PRR5: variants seen among roughly 807,000 people sequenced by gnomAD.
The protein encoded by PRR5 is proline-rich protein 5.
In PRR5, 25 loss-of-function variants were observed where a neutral mutation model predicts 30.6. The ratio of observed to expected loss-of-function variants is 0.82; its 90% CI spans 0.60 to 1.14. PRR5 has a LOEUF of 1.14. Among genes scored for constraint, PRR5 ranks in the 50% most tolerant of loss-of-function variants. The pLI, the probability that PRR5 is intolerant of heterozygous loss-of-function variation, is 0.00. For missense variants in PRR5, 600 were observed against 547.1 expected (o/e 1.10, Z -0.96); for synonymous variants, 286 against 247.1 (o/e 1.16, Z -1.48).
At position 44,734,720 on chromosome 22, in the gene PRR5, A is replaced by G. The variant is rs906935513; in HGVS notation, c.556-307A>G. 1.9e-5 allele frequency: 8 copies of G among 415,970 alleles called. No individual in the cohort carries two copies. The Admixed American group carries it at 3.1e-4, about 16-fold the overall frequency. The allele number at this position is 415,970 out of a possible 1,614,324, so 25.8% of individuals were successfully genotyped here. A position where few individuals can be genotyped will look rare whatever the true frequency, so the allele number is the denominator to read the frequency against. On this transcript the variant is annotated intron_variant, in intron 6 of 7. Coordinates refer to ENST00000336985, the MANE Select transcript of PRR5 (RefSeq NM_181333.4). ...TCCAAAGCCTCTAGGACTCTTGAGT[A>G]CAGGGCCCCTCCGAGGGGTGGAAGG...
chr22:44,731,676 G>A lies in PRR5; in HGVS notation c.323-54G>A, dbSNP rs763209134. 17 of 1,575,252 alleles carry A rather than the reference G, an allele frequency of 1.1e-5. No homozygotes were observed. The African/African-American group carries it at 2.3e-4, about 21-fold the overall frequency. On this transcript the variant is annotated intron_variant, in intron 4 of 7. Coordinates refer to ENST00000336985, the MANE Select transcript of PRR5 (RefSeq NM_181333.4). The stretch of plus-strand genomic sequence containing the variant: ...TCTGATGACCCATCCTGGGTGAGTG[G>A]AGGCATCTGCCCGCGCCAGTCAGGC...
chr22:44,705,956 T>C (rs1927127076), intron 1 of PRR5, among the ~76,000 whole-genome samples: 1 of 152,090 alleles, frequency 6.6e-6, no homozygotes, highest in South Asian at 2.1e-4. Context: ...CATGCCACCA[T>C]GCCCAGCTAA....
In PRR5 at chr22:44,691,073, C is replaced by T. The variant is rs543439393; in HGVS notation, c.-10-11419C>T. ...GCCTCGGGAAGGTGGATTCCCGGGG[C>T]GGGGAGGCAGGAGAGTCCTGAGCCC... On this transcript the variant is annotated intron_variant, in intron 1 of 8. Coordinates refer to the PRR5 transcript ENST00000006251. The surrounding 1 kb of genome is among the most constrained non-coding windows in gnomAD (Gnocchi z 4.4). 7.3e-5 allele frequency among the ~76,000 whole-genome samples: 11 copies of T among 150,314 alleles called. No individual in the cohort carries two copies. In the East Asian group the frequency reaches 2.0e-3, roughly 27 times the overall value.
intron 4 of PRR5, chr22:44,730,906 T>C (rs1439735788): frequency 4.4e-6 from 2 of 459,626 alleles, no homozygotes; most frequent in Non-Finnish European, 9.0e-6. Flanking sequence ...ACTGCCCTTA[T>C]GATCCTGCTC....
At chr22:44,696,342 C>A (rs1022049793) in intron 1 of PRR5, among the ~76,000 whole-genome samples, 1 of 152,122 alleles carries the variant, frequency 6.6e-6, no homozygotes, top group Non-Finnish European at 1.5e-5. Flanking sequence ...CTCCTTATAC[C>A]ACAGAGGCAC....
At chr22:44,683,663 C>A (rs1924486775) in intron 1 of PRR5, among the ~76,000 whole-genome samples, 1 of 152,182 alleles carries the variant, frequency 6.6e-6, no homozygotes, top group African/African-American at 2.4e-5. Flanking sequence ...ACTCATAGAC[C>A]CTTGGGGACC....
At chr22:44,700,660 AG>A (rs1926181114), upstream of PRR5, among the ~76,000 whole-genome samples, 1 of 152,194 alleles carries the variant, frequency 6.6e-6, no homozygotes, top group Non-Finnish European at 1.5e-5. Flanking sequence ...CTTGACAGTT[AG>A]TTTATAAAGC....
At chr22:44,727,275 G>A (rs559640338) in intron 4 of PRR5, among the ~76,000 whole-genome samples, 19 of 152,092 alleles carry the variant, frequency 1.2e-4, no homozygotes, top group Non-Finnish European at 2.2e-4. Context: ...TCCCGTGGCC[G>A]AGAGCCTCGG....
At chr22:44,677,613 C>T (rs1923880664) in intron 1 of PRR5, among the ~76,000 whole-genome samples, 1 of 152,178 alleles carries the variant, frequency 6.6e-6, no homozygotes, top group Non-Finnish European at 1.5e-5. Context: ...TTCTGGGTGC[C>T]CTGGCCACGG....
intron 1 of PRR5, among the ~76,000 whole-genome samples, chr22:44,683,855 G>A (rs899353508): frequency 1.3e-5 from 2 of 152,198 alleles, no homozygotes; most frequent in African/African-American, 4.8e-5. Flanking sequence ...CAGCTTCCAC[G>A]GATGAACAAC....
At chr22:44,729,514 A>T (rs758771524) in intron 4 of PRR5, 59 of 985,414 alleles carry the variant, frequency 6.0e-5, no homozygotes, top group Non-Finnish European at 6.0e-5. Flanking sequence ...CCGGCAGCAA[A>T]CGCCCAGTGC....
chr22:44,701,077 T>A (rs1926232966), upstream of PRR5, among the ~76,000 whole-genome samples: 1 of 152,190 alleles, frequency 6.6e-6, no homozygotes, highest in South Asian at 2.1e-4. Context: ...AGATGGGGTT[T>A]CTCCATGTTG....
intron 1 of PRR5, among the ~76,000 whole-genome samples, chr22:44,690,653 T>C (rs1925157145): frequency 6.6e-6 from 1 of 152,172 alleles, no homozygotes; most frequent in Admixed American, 6.5e-5. Flanking sequence ...TATTAAGTGG[T>C]GAAGCCGCGA....
At chr22:44,696,607 G>A (rs939307257) in intron 1 of PRR5, among the ~76,000 whole-genome samples, 1 of 152,154 alleles carries the variant, frequency 6.6e-6, no homozygotes, top group Non-Finnish European at 1.5e-5. Flanking sequence ...CACCAGGGTG[G>A]AGAAGGGCTC....
chr22:44,726,448 C>T (rs1920950193), intron 3 of PRR5, 129 bp from the exon 4 acceptor site: 1 of 1,350,744 alleles, frequency 7.4e-7, no homozygotes, highest in Admixed American at 2.0e-5. Flanking sequence ...GACTGTGGGA[C>T]CTCAGTGAGT....
intron 1 of PRR5, among the ~76,000 whole-genome samples, chr22:44,713,145 G>A (rs986484801): frequency 1.3e-5 from 2 of 152,206 alleles, no homozygotes; most frequent in African/African-American, 4.8e-5. Flanking sequence ...CCTGGATGCT[G>A]CCTGCAGGAC....
intron 1 of PRR5, among the ~76,000 whole-genome samples, chr22:44,686,617 G>T (rs1569068040): frequency 6.6e-6 from 1 of 152,012 alleles, no homozygotes; most frequent in Non-Finnish European, 1.5e-5. Context: ...CCAGCTTCAA[G>T]CGATTCTCCT....
At chr22:44,736,112 C>T (rs1047241875) in intron 7 of PRR5, among the ~76,000 whole-genome samples, 1 of 152,232 alleles carries the variant, frequency 6.6e-6, no homozygotes, top group Non-Finnish European at 1.5e-5. Flanking sequence ...GTGCCACTGC[C>T]TCCCGCCCAG....
intron 4 of PRR5, among the ~76,000 whole-genome samples, chr22:44,727,713 C>CT (rs1187145838): frequency 6.6e-6 from 1 of 152,176 alleles, no homozygotes; most frequent in Non-Finnish European, 1.5e-5. Flanking sequence ...AAAAGAGCTA[C>CT]TAGCCCACTC....
Sources: gnomAD v4.1 joint callset for allele counts (sites outside exome capture counted in the v4.1 genomes callset) on GRCh38, gnomAD v4.1.1 for gene constraint, Gnocchi (gnomAD v3.1) non-coding constraint, MANE v1.5 for transcripts, NCBI Gene and HGNC (gene_info 2026-07-23, HGNC 2026-07-21) for gene names.